ZKSCAN5: variants seen among roughly 807,000 people sequenced by gnomAD.
The protein encoded by ZKSCAN5 is zinc finger protein with KRAB and SCAN domains 5.
In ZKSCAN5, 28 loss-of-function variants were observed where a neutral mutation model predicts 60.0. The observed-to-expected ratio is 0.47, with a 90% CI of 0.35 to 0.64. ZKSCAN5 has a LOEUF of 0.64. Ranked by LOEUF, ZKSCAN5 falls within the 30% of genes least tolerant of loss-of-function variation. The probability of loss-of-function intolerance (pLI) is 0.01; values close to 1 mark genes in which losing one functional copy is unlikely to be tolerated. For synonymous variants in ZKSCAN5, 361 were observed against 371.2 expected (o/e 0.97, Z 0.31); for missense variants, 881 against 1,034.6 (o/e 0.85, Z 2.04).
chr7:99,531,254 A>C lies in ZKSCAN5; in HGVS notation c.1525A>C (p.Lys509Gln). The change falls in exon 7 of 7, where the codon AAG (lysine) becomes CAG (glutamine). Residue 509 changes from lysine to glutamine, a missense_variant. By Grantham distance (53) the Lys-to-Gln change is moderately conservative. This residue lies in a region of ZKSCAN5 where 490 missense variants were observed against 554.5 expected (regional missense o/e 0.88). Transcript: ENST00000326775. ...TGGAGAAGGCTGTGAGTTTCAAGGC[A>C]AGCTGGATAGAAAGCAGGGAATTCC... ...DFGEGCEFQG[K>Q]LDRKQGIPMK... The C allele has an allele frequency of 6.2e-7, 1 of 1,614,214 alleles. No homozygotes were observed. The highest frequency in any genetic ancestry group is 1.3e-5 in the African/African-American group (1 of 75,062).
At chr7:99,516,821 C>G (rs934585161) in intron 3 of ZKSCAN5, among the ~76,000 whole-genome samples, 1 of 152,152 alleles carries the variant, frequency 6.6e-6, no homozygotes, top group Admixed American at 6.6e-5. Context: ...GCGTCTCCTG[C>G]TCCACTCTGT....
In ZKSCAN5 at chr7:99,506,199, G is replaced by T; in HGVS notation, c.155G>T (p.Arg52Leu). Residue 52 changes from arginine (R) to leucine (L), a missense_variant, in exon 2 of 7, where the codon CGC becomes CTC. Arg to Leu is a moderately radical substitution (Grantham distance 102). Transcript: ENST00000326775. ...NPPTFETFYQRFRHFQYHEAS... is the reference protein window; with the variant it reads ...NPPTFETFYQLFRHFQYHEAS... ...CCAACGTTTGAGACTTTTTACCAGCGCTTCAGGCACTTCCAGTACCATGAG... is the reference window on the plus strand; with the variant it reads ...CCAACGTTTGAGACTTTTTACCAGCTCTTCAGGCACTTCCAGTACCATGAG... 1 of 1,614,170 alleles carries T rather than the reference G, an allele frequency of 6.2e-7. No individual in the cohort carries two copies. Among genetic ancestry groups the T allele is most frequent in the Non-Finnish European group, 8.5e-7 (1 of 1,180,040 alleles).
At chr7:99,518,974 C>T (rs1264959627) in intron 3 of ZKSCAN5, among the ~76,000 whole-genome samples, 11 of 114,416 alleles carry the variant, frequency 9.6e-5, no homozygotes, top group Non-Finnish European at 1.6e-4. Context: ...GTACCTGGCC[C>T]CCACCTTTTT....
At chr7:99,525,493 G>C (rs557651029) in intron 5 of ZKSCAN5, among the ~76,000 whole-genome samples, 1 of 151,904 alleles carries the variant, frequency 6.6e-6, no homozygotes, top group African/African-American at 2.4e-5. Context: ...ATACACGCGC[G>C]CGCGCACACA....
chr7:99,511,754 G>A (rs1357014052), intron 2 of ZKSCAN5, among the ~76,000 whole-genome samples: 1 of 24,212 alleles, frequency 4.1e-5, no homozygotes, highest in African/African-American at 1.5e-4. Context: ...CTCTCTGCCT[G>A]GGTCACTTCT....
Position 99,533,612 on chromosome 7 carries a change from C to T in ZKSCAN5, c.*1363C>T, listed in dbSNP as rs1802147573. 4 of 406,358 alleles carry T rather than the reference C, an allele frequency of 9.8e-6. No homozygotes were observed. Among genetic ancestry groups the T allele is most frequent in the Non-Finnish European group, 4.3e-6 (1 of 230,858 alleles). 25.2% of individuals were successfully genotyped at this position (406,358 alleles called of 1,614,324 possible). A position where few individuals can be genotyped will look rare whatever the true frequency, so the allele number is the denominator to read the frequency against. On this transcript the variant is annotated 3_prime_UTR_variant, in exon 7 of 7. Coordinates refer to ENST00000326775, the MANE Select transcript of ZKSCAN5 (RefSeq NM_145102.4). ...AGGAGATGAGAGCCATCTCACCTCA[C>T]CCAGGAGTCACTTCCTCTCTACACC...
chr7:99,520,079 C>G (rs1801458853), intron 4 of ZKSCAN5, 90 bp from the exon 5 acceptor site: 1 of 1,550,042 alleles, frequency 6.5e-7, no homozygotes, highest in Non-Finnish European at 8.8e-7. Context: ...AGTTCCTCCC[C>G]CTGTTTCTTT....
chr7:99,512,200 T>TTTC (rs1199197138), intron 2 of ZKSCAN5, among the ~76,000 whole-genome samples: 1 of 152,226 alleles, frequency 6.6e-6, no homozygotes, highest in African/African-American at 2.4e-5. Flanking sequence ...ATGGAATTAG[T>TTTC]TTCTTCTCCT....
Position 99,531,331 on chromosome 7 carries a change from A to G in ZKSCAN5, c.1602A>G (p.Glu534=). The G allele has an allele frequency of 6.2e-7, 1 of 1,614,224 alleles. No homozygotes were observed. The highest frequency in any genetic ancestry group is 1.3e-5 in the African/African-American group (1 of 75,064). The part of the protein sequence containing the change: ...QPSSKRMNYS[E]VPYVHKKSST... Reference sequence around the variant, plus strand: ...CTTCAAAGAGGATGAACTACAGTGAAGTCCCATATGTCCACAAAAAATCCT... The same window carrying G: ...CTTCAAAGAGGATGAACTACAGTGAGGTCCCATATGTCCACAAAAAATCCT... The change falls in exon 7 of 7, where the codon GAA becomes GAG. Residue 534 remains glutamate (E), a synonymous_variant. Transcript: ENST00000326775.
In ZKSCAN5 at chr7:99,516,984, A is replaced by C. The variant is rs145806685; in HGVS notation, c.554-2843A>C. ...TTTCCTGGGCCACACTGGAAGAAGA[A>C]TTGTCTTGTGCCACACATAAAATAC... is the stretch of plus-strand genomic sequence containing the variant. On this transcript the variant is annotated intron_variant, in intron 3 of 6. Coordinates refer to ENST00000326775, the MANE Select transcript of ZKSCAN5 (RefSeq NM_145102.4). Among the ~76,000 whole-genome samples, 390 of 152,308 alleles carry C rather than the reference A, an allele frequency of 2.6e-3. 2 individuals are homozygous for C. The highest frequency in any genetic ancestry group is 7.2e-3 in the African/African-American group (299 of 41,570).
intron 5 of ZKSCAN5, among the ~76,000 whole-genome samples, chr7:99,524,297 C>T (rs1035524520): frequency 2.6e-5 from 4 of 152,110 alleles, no homozygotes; most frequent in Non-Finnish European, 5.9e-5. Flanking sequence ...TGGTTTCAAA[C>T]TCCTGACCTC....
At chr7:99,524,317 G>T (rs991732009) in intron 5 of ZKSCAN5, among the ~76,000 whole-genome samples, 1 of 151,976 alleles carries the variant, frequency 6.6e-6, no homozygotes, top group Admixed American at 6.6e-5. Flanking sequence ...CAAGTGATCC[G>T]CCTACCTCGA....
At chr7:99,522,060 A>C (rs1801561168) in intron 5 of ZKSCAN5, among the ~76,000 whole-genome samples, 1 of 152,090 alleles carries the variant, frequency 6.6e-6, no homozygotes, top group Admixed American at 6.6e-5. Context: ...TGTTTTTCTC[A>C]TTCTCTATCT....
At chr7:99,530,996 G>A (rs1802014971) in intron 6 of ZKSCAN5, 112 bp from the exon 7 acceptor site, 1 of 942,040 alleles carries the variant, frequency 1.1e-6, no homozygotes, top group Non-Finnish European at 1.6e-6. Flanking sequence ...GGCAGAGGTT[G>A]CAGTGAGCCG....
Position 99,519,872 on chromosome 7 carries a change from A to G in ZKSCAN5, c.599A>G (p.Gln200Arg). ...CCTTCCCTTCCCCTGAAGGACAGCC[A>G]GGAGCTGACAGCTTCACTTCTCTCA... is the stretch of plus-strand genomic sequence containing the variant. ...QVPSLPLKDS[Q>R]ELTASLLSTG... The change falls in exon 4 of 7, where the codon CAG becomes CGG. Residue 200 changes from glutamine to arginine, a missense_variant. Transcript: ENST00000326775. 6.2e-7 allele frequency: 1 copy of G among 1,614,162 alleles called. No homozygotes were observed. The highest frequency in any genetic ancestry group is 1.7e-5 in the Admixed American group (1 of 60,008).
rs753425691 is a variant in ZKSCAN5, at chr7:99,525,886, G to A, written c.846G>A (p.Ala282=). The A allele has an allele frequency of 5.6e-6, 9 of 1,613,858 alleles. No individual in the cohort carries two copies. The highest frequency in any genetic ancestry group is 3.3e-5 in the South Asian group (3 of 91,080). Residue 282 remains alanine (A), a synonymous_variant, in exon 6 of 7, where the codon GCG becomes GCA. Coordinates refer to ENST00000326775, the MANE Select transcript of ZKSCAN5 (RefSeq NM_145102.4). ...ISDDSESHWV[A]PEHTERSVPQ... is the part of the protein sequence containing the mutation. ...ATGACTCTGAATCACACTGGGTGGCGCCAGAACACACCGAAAGGAGCGTTC... is the reference window on the plus strand; with the variant it reads ...ATGACTCTGAATCACACTGGGTGGCACCAGAACACACCGAAAGGAGCGTTC...
chr7:99,507,473 G>GTA (rs1234155327), intron 2 of ZKSCAN5, among the ~76,000 whole-genome samples: 11 of 129,384 alleles, frequency 8.5e-5, no homozygotes, highest in African/African-American at 3.4e-4. Flanking sequence ...GTATATATGT[G>GTA]TATATATGTG....
At chr7:99,530,989 A>G (rs1284532132) in intron 6 of ZKSCAN5, 119 bp from the exon 7 acceptor site, 15 of 881,608 alleles carry the variant, frequency 1.7e-5, no homozygotes, top group Non-Finnish European at 2.6e-5. Context: ...CCCAGGAGGC[A>G]GAGGTTGCAG....
At chr7:99,518,670 CTTTTTT>C (rs993896580) in intron 3 of ZKSCAN5, among the ~76,000 whole-genome samples, 1 of 92,214 alleles carries the variant, frequency 1.1e-5, no homozygotes, top group Non-Finnish European at 2.0e-5. Flanking sequence ...AGAATGCATC[CTTTTTT>C]TTTTTTTTTT....
Sources: allele counts gnomAD v4.1 joint callset (sites outside exome capture counted in the v4.1 genomes callset), GRCh38; gene constraint gnomAD v4.1.1; regional missense constraint gnomAD v4.1.1; transcripts MANE v1.5; gene names NCBI Gene and HGNC (gene_info 2026-07-23, HGNC 2026-07-21).